The following F13A1 variants were observed in gnomAD, a reference collection of about 807,000 sequenced individuals.
The protein encoded by F13A1 is FSF, A subunit.
F13A1 carries 47 observed loss-of-function variants against 80.1 expected under a neutral mutation model. The observed-to-expected ratio is 0.59, with a 90% CI of 0.46 to 0.75. F13A1 has a LOEUF of 0.75. Ranked by LOEUF, F13A1 falls within the 30% of genes least tolerant of loss-of-function variation. The probability of loss-of-function intolerance (pLI) is 0.00; values close to 1 mark genes in which losing one functional copy is unlikely to be tolerated. For missense variants in F13A1, 817 were observed against 930.4 expected (o/e 0.88, Z 1.59); for synonymous variants, 349 against 344.9 (o/e 1.01, Z -0.13).
chr6:6,295,662 T>C (rs1383974162), intron 3 of F13A1, among the ~76,000 whole-genome samples: 4 of 140,626 alleles, frequency 2.8e-5, no homozygotes, highest in Non-Finnish European at 4.5e-5. Context: ...GTCAGATGAG[T>C]AGGTTGCAAA....
chr6:6,210,363 T>C (rs889124760), intron 8 of F13A1, among the ~76,000 whole-genome samples: 2 of 56,188 alleles, frequency 3.6e-5, no homozygotes, highest in Non-Finnish European at 7.1e-5. Context: ...TTTTTTTTTT[T>C]AGAGGCAGTC....
At chr6:6,236,491 A>C (rs571065464) in intron 6 of F13A1, among the ~76,000 whole-genome samples, 94 of 152,244 alleles carry the variant, frequency 6.2e-4, no homozygotes, top group African/African-American at 2.2e-3. Flanking sequence ...TTCTAACTTG[A>C]TACTGAAAAA....
At chr6:6,218,441 G>T (rs1757135692) in intron 8 of F13A1, among the ~76,000 whole-genome samples, 1 of 152,174 alleles carries the variant, frequency 6.6e-6, no homozygotes, top group Non-Finnish European at 1.5e-5. Context: ...CCCCCCAGAG[G>T]TTACACATAA....
chr6:6,307,500 A>T (rs1758529364), intron 2 of F13A1, among the ~76,000 whole-genome samples: 1 of 152,216 alleles, frequency 6.6e-6, no homozygotes, highest in Admixed American at 6.5e-5. Context: ...GTTGAAAAGG[A>T]GCTTAGCAAT....
intron 12 of F13A1, among the ~76,000 whole-genome samples, chr6:6,173,603 T>C (rs1267265527): frequency 6.6e-6 from 1 of 152,080 alleles, no homozygotes; most frequent in African/African-American, 2.4e-5. Flanking sequence ...AGATGGGTTT[T>C]CACCATGTTA....
intron 10 of F13A1, among the ~76,000 whole-genome samples, chr6:6,185,784 G>A (rs1761071676): frequency 6.6e-6 from 1 of 152,232 alleles, no homozygotes; most frequent in Admixed American, 6.5e-5. Flanking sequence ...CTAGATCCCT[G>A]AGGAATCACC....
At chr6:6,270,610 G>A (rs769022437) in intron 3 of F13A1, among the ~76,000 whole-genome samples, 9 of 152,206 alleles carry the variant, frequency 5.9e-5, no homozygotes, top group African/African-American at 1.2e-4. Flanking sequence ...CTGAGGCTTG[G>A]TGAGGGCGTC....
At chr6:6,317,777 ATGTT>A (rs1758705490) in intron 2 of F13A1, among the ~76,000 whole-genome samples, 1 of 152,182 alleles carries the variant, frequency 6.6e-6, no homozygotes, top group South Asian at 2.1e-4. Context: ...TGGTGCATGA[ATGTT>A]ATTGACAAAA....
At chr6:6,310,968 A>C (rs1036358317) in intron 2 of F13A1, among the ~76,000 whole-genome samples, 2 of 152,112 alleles carry the variant, frequency 1.3e-5, no homozygotes, top group Non-Finnish European at 1.5e-5. Flanking sequence ...TTCTGAGCAG[A>C]CAGGCTTGCT....
intron 10 of F13A1, among the ~76,000 whole-genome samples, chr6:6,182,835 C>T (rs1005079534): frequency 2.0e-5 from 3 of 152,150 alleles, no homozygotes; most frequent in East Asian, 1.9e-4. Flanking sequence ...AAATCAGTCC[C>T]CATCTGTTTC....
chr6:6,173,633 C>T (rs1215980395), intron 12 of F13A1, among the ~76,000 whole-genome samples: 2 of 152,096 alleles, frequency 1.3e-5, no homozygotes, highest in African/African-American at 4.8e-5. Context: ...GTCTCGAACT[C>T]CTAACCTCAG....
Position 6,205,810 on chromosome 6 carries a change from C to T in F13A1, c.1113-8484G>A, listed in dbSNP as rs181358855. Among the ~76,000 whole-genome samples the T allele has an allele frequency of 4.3e-3, 647 of 151,496 alleles. 2 individuals are homozygous for T. Among genetic ancestry groups the T allele is most frequent in the African/African-American group, 0.014 (559 of 41,146 alleles). On this transcript the variant is annotated intron_variant, in intron 8 of 14. Coordinates refer to ENST00000264870, the MANE Select transcript of F13A1 (RefSeq NM_000129.4). ...ACACAAGTTATAAAACAAAACAAAA[C>T]GAAAACAACAAAAATTAAAATTAAA...
At chr6:6,305,975 AAAGG>A (rs1425643565) in intron 2 of F13A1, among the ~76,000 whole-genome samples, 2 of 152,186 alleles carry the variant, frequency 1.3e-5, no homozygotes, top group African/African-American at 4.8e-5. Context: ...TTATCTTTCC[AAAGG>A]AAGGAATCAA....
chr6:6,154,143 C>CAA (rs5874019), intron 13 of F13A1, among the ~76,000 whole-genome samples: 13 of 124,988 alleles, frequency 1.0e-4, no homozygotes, highest in Admixed American at 4.0e-4. Flanking sequence ...TACTGACGTC[C>CAA]AAAAAAAAAA....
At chr6:6,171,277 A>G (rs1760768052) in intron 12 of F13A1, among the ~76,000 whole-genome samples, 2 of 152,190 alleles carry the variant, frequency 1.3e-5, no homozygotes. Flanking sequence ...CTACTCTATT[A>G]TCTGCTTTGC....
intron 6 of F13A1, among the ~76,000 whole-genome samples, chr6:6,244,322 C>T (rs1757526395): frequency 6.6e-6 from 1 of 152,200 alleles, no homozygotes; most frequent in Non-Finnish European, 1.5e-5. Context: ...AGAAGTATAA[C>T]TGTGGGCAAG....
At position 6,243,126 on chromosome 6, in the gene F13A1, C is replaced by A. The variant is rs1757505052; in HGVS notation, c.798+5186G>T. Among the ~76,000 whole-genome samples, 1 of 151,880 alleles carries A rather than the reference C, an allele frequency of 6.6e-6. No individual in the cohort carries two copies. Among genetic ancestry groups the A allele is most frequent in the South Asian group, 2.1e-4 (1 of 4,818 alleles). The stretch of plus-strand genomic sequence containing the variant: ...CCATCACCACCACCACTACCACTAT[C>A]ACCACCATCATAAATCACCACCACC... On this transcript the variant is annotated intron_variant, in intron 6 of 14. Transcript: ENST00000264870. This position sits in a 1 kb window ranked among gnomAD's most constrained non-coding sequence, Gnocchi z 4.2.
intron 2 of F13A1, among the ~76,000 whole-genome samples, chr6:6,317,933 C>T (rs3024320): frequency 0.037 from 5,686 of 152,282 alleles, 130 homozygotes; most frequent in South Asian, 0.089. Context: ...GGTCAGCTGC[C>T]GGCTGCTGTA....
At chr6:6,296,222 A>G (rs1359049350) in intron 3 of F13A1, among the ~76,000 whole-genome samples, 7,822 of 151,086 alleles carry the variant, frequency 0.052, 530 homozygotes, top group African/African-American at 0.16. Context: ...TTGATTTGGC[A>G]ATGCGGGCTC....
Sources: gnomAD v4.1 joint callset for allele counts (sites outside exome capture counted in the v4.1 genomes callset) on GRCh38, gnomAD v4.1.1 for gene constraint, Gnocchi (gnomAD v3.1) non-coding constraint, MANE v1.5 for transcripts, NCBI Gene and HGNC (gene_info 2026-07-23, HGNC 2026-07-21) for gene names.